CCDC30: variants seen among roughly 807,000 people sequenced by gnomAD.
CCDC30 encodes coiled-coil domain-containing protein 30.
CCDC30 carries 70 observed loss-of-function variants against 100.2 expected under a neutral mutation model. The ratio of observed to expected loss-of-function variants is 0.70; its 90% CI spans 0.58 to 0.85. The LOEUF is 0.85. Ranked by LOEUF, CCDC30 falls within the 40% of genes least tolerant of loss-of-function variation. The pLI is 0.00. For synonymous variants in CCDC30, 233 were observed against 269.5 expected (o/e 0.86, Z 1.33); for missense variants, 652 against 771.2 (o/e 0.85, Z 1.83).
intron 13 of CCDC30, among the ~76,000 whole-genome samples, chr1:42,644,013 C>T (rs1557490481): frequency 6.6e-6 from 1 of 152,122 alleles, no homozygotes; most frequent in South Asian, 2.1e-4. Context: ...AATTAATACT[C>T]TTGTACATGT....
chr1:42,542,694 G>C (rs1239495932), intron 6 of CCDC30: 2 of 140,126 alleles, frequency 1.4e-5, no homozygotes, highest in African/African-American at 5.1e-5. Context: ...GGGACTACAG[G>C]CGCCCGCCAC....
intron 10 of CCDC30, among the ~76,000 whole-genome samples, chr1:42,598,936 C>G (rs775685622): frequency 5.9e-5 from 9 of 151,930 alleles, no homozygotes; most frequent in Non-Finnish European, 1.2e-4. Context: ...AGGAGAAATA[C>G]TTTCTCAGAC....
At chr1:42,537,712 G>A (rs920585347) in intron 6 of CCDC30, 11 of 173,528 alleles carry the variant, frequency 6.3e-5, no homozygotes, top group African/African-American at 2.6e-4. Flanking sequence ...GCTCACGCTT[G>A]TAATCCCAGC....
chr1:42,506,579 T>C (rs1644398488), intron 6 of CCDC30, among the ~76,000 whole-genome samples: 1 of 152,204 alleles, frequency 6.6e-6, no homozygotes, highest in South Asian at 2.1e-4. Flanking sequence ...ATTAGTATTG[T>C]TCAACAAAAT....
At chr1:42,460,092 T>A (rs1289780042), upstream of CCDC30, 2 of 1,378,654 alleles carry the variant, frequency 1.5e-6, no homozygotes, top group East Asian at 5.2e-5. Context: ...TGACACCTGA[T>A]ATGATGTCAT....
In CCDC30 at chr1:42,488,993, G is replaced by A. The variant is rs145549868; in HGVS notation, c.170-1165G>A. Among the ~76,000 whole-genome samples, 212 of 151,780 alleles carry A rather than the reference G, an allele frequency of 1.4e-3. 1 individual carries two copies. The highest frequency in any genetic ancestry group is 4.7e-3 in the Admixed American group (72 of 15,170). The stretch of plus-strand genomic sequence containing the variant: ...CTATATGTAGTTCCAGAACTACTCA[G>A]TGTTCCCTCCTATGTCGTCTCCTTT... On this transcript the variant is annotated intron_variant, in intron 3 of 16. Coordinates refer to ENST00000668663, the Ensembl canonical transcript of CCDC30.
At chr1:42,482,629 C>G (rs771323263) in intron 2 of CCDC30, 34 bp from the exon 3 acceptor site, 160 of 1,207,844 alleles carry the variant, frequency 1.3e-4, no homozygotes, top group Non-Finnish European at 1.6e-4. Flanking sequence ...TACATTTGCT[C>G]TTTGTTTTAT....
intron 6 of CCDC30, among the ~76,000 whole-genome samples, chr1:42,505,214 G>GA (rs140202726): frequency 0.14 from 20,694 of 152,148 alleles, 1,549 homozygotes; most frequent in East Asian, 0.18. Flanking sequence ...TTTTCCTAAA[G>GA]AAATTTCTGC....
intron 15 of CCDC30, among the ~76,000 whole-genome samples, chr1:42,651,713 T>C (rs1254440445): frequency 6.6e-6 from 1 of 152,082 alleles, no homozygotes; most frequent in Non-Finnish European, 1.5e-5. Flanking sequence ...AAAAAAATTT[T>C]TTTTGTTTTA....
chr1:42,553,669 AC>A (rs1474304543), intron 6 of CCDC30, among the ~76,000 whole-genome samples: 1 of 151,170 alleles, frequency 6.6e-6, no homozygotes, highest in East Asian at 1.9e-4. Context: ...ACACACACAC[AC>A]ACACACACAC....
In CCDC30 at chr1:42,569,311, G is replaced by A. The variant is rs557978649; in HGVS notation, c.636+2836G>A. 3.3e-5 allele frequency among the ~76,000 whole-genome samples: 5 copies of A among 152,246 alleles called. No individual in the cohort carries two copies. In the South Asian group the frequency reaches 8.3e-4, roughly 25 times the overall value. On this transcript the variant is annotated intron_variant, in intron 7 of 16. Transcript: ENST00000668663. ...AAAAAACAACCCCATCAAAAAGTGGGTGAAGGATATGAACAGACGCTTCTC... is the reference window on the plus strand; with the variant it reads ...AAAAAACAACCCCATCAAAAAGTGGATGAAGGATATGAACAGACGCTTCTC...
intron 6 of CCDC30, among the ~76,000 whole-genome samples, chr1:42,526,375 T>A (rs1460681319): frequency 6.6e-6 from 1 of 152,136 alleles, no homozygotes; most frequent in African/African-American, 2.4e-5. Context: ...TTCATGTCTA[T>A]TTTTTTGTTG....
At chr1:42,614,119 C>T (rs1401322715) in intron 11 of CCDC30, among the ~76,000 whole-genome samples, 2 of 150,600 alleles carry the variant, frequency 1.3e-5, no homozygotes, top group East Asian at 2.0e-4. Context: ...CTCGCTCTGC[C>T]GCCCAGGATA....
intron 13 of CCDC30, among the ~76,000 whole-genome samples, chr1:42,644,115 A>ATT (rs1465980944): frequency 6.6e-6 from 1 of 152,208 alleles, no homozygotes; most frequent in Non-Finnish European, 1.5e-5. Context: ...AGGAGACATA[A>ATT]ATATGTATAT....
chr1:42,514,980 C>T (rs1160842132), intron 6 of CCDC30, among the ~76,000 whole-genome samples: 2 of 152,036 alleles, frequency 1.3e-5, no homozygotes, highest in Admixed American at 6.6e-5. Flanking sequence ...TGTCCTGTAC[C>T]CTGAAATATA....
chr1:42,513,165 A>G (rs1489930622), intron 6 of CCDC30, among the ~76,000 whole-genome samples: 1 of 152,200 alleles, frequency 6.6e-6, no homozygotes, highest in Non-Finnish European at 1.5e-5. Context: ...GGACATGGAC[A>G]TACATGGGTG....
rs115539736 is a variant in CCDC30 at position 42,581,988 on chromosome 1, G to A, written c.1001+474G>A. Among the ~76,000 whole-genome samples the A allele has an allele frequency of 2.6e-3, 390 of 151,616 alleles. 2 individuals carry two copies. Among genetic ancestry groups the A allele is most frequent in the Non-Finnish European group, 4.4e-3 (299 of 67,942 alleles). Reference sequence around the variant, plus strand: ...TGTAATCCCAGCACTCCGGGATGCCGAGGTAGGAGGATCACTTGAGCCTAG... The same window carrying A: ...TGTAATCCCAGCACTCCGGGATGCCAAGGTAGGAGGATCACTTGAGCCTAG... On this transcript the variant is annotated intron_variant, in intron 9 of 16. Coordinates refer to ENST00000668663, the Ensembl canonical transcript of CCDC30.
At chr1:42,537,371 C>T (rs1644925643) in intron 6 of CCDC30, 1 of 398,524 alleles carries the variant, frequency 2.5e-6, no homozygotes, top group Non-Finnish European at 4.9e-6. Flanking sequence ...CCCCTAATCT[C>T]ATCCTAATGA....
chr1:42,648,044 G>T (rs942841809), intron 15 of CCDC30, among the ~76,000 whole-genome samples: 1 of 152,018 alleles, frequency 6.6e-6, no homozygotes, highest in Non-Finnish European at 1.5e-5. Flanking sequence ...GGGTTCAAGC[G>T]ATTCTCCTGC....
Sources: gnomAD v4.1 joint callset for allele counts (sites outside exome capture counted in the v4.1 genomes callset) on GRCh38, gnomAD v4.1.1 for gene constraint, MANE v1.5 for transcripts, NCBI Gene and HGNC (gene_info 2026-07-23, HGNC 2026-07-21) for gene names.